Variants in PRR20G observed in about 807,000 individuals in gnomAD.
The protein encoded by PRR20G is proline rich 20G.
At chr3:127,284,954 G>T (rs1237273288) in intron 2 of PRR20G, among the ~76,000 whole-genome samples, 4 of 152,196 alleles carry the variant, frequency 2.6e-5, no homozygotes, top group African/African-American at 9.7e-5. Flanking sequence ...ATGACACACT[G>T]CCTGCCTTCA....
Position 127,287,323 on chromosome 3 carries a change from G to A in PRR20G, c.43C>T (p.Pro15Ser), listed in dbSNP as rs978768446. The change falls in exon 2 of 3, where the codon CCA becomes TCA. Residue 15 changes from proline (P) to serine (S), a missense_variant. Transcript: ENST00000465482. ...RHSKRPRFLA[P>S]NQASGGPPTE... ...AGGCGTTTGATGGTACCTTGATTTG[G>A]GGCCAGGAAGCGAGGTCGTTTCGAG... Among the ~76,000 whole-genome samples, 1 of 152,180 alleles carries A rather than the reference G, an allele frequency of 6.6e-6. No homozygotes were observed. The highest frequency in any genetic ancestry group is 2.4e-5 in the African/African-American group (1 of 41,438).
chr3:127,287,438 G>A (rs899449242), intron 1 of PRR20G, among the ~76,000 whole-genome samples, 66 bp from the exon 2 acceptor site: 5 of 152,154 alleles, frequency 3.3e-5, no homozygotes, highest in African/African-American at 1.2e-4. Flanking sequence ...AATTTCCCAA[G>A]CGTCACGCAG....
chr3:127,286,579 G>A (rs1011644084), intron 2 of PRR20G, among the ~76,000 whole-genome samples: 14 of 152,186 alleles, frequency 9.2e-5, no homozygotes, highest in East Asian at 3.9e-4. Context: ...TACGTAGATC[G>A]AGACATAGTG....
intron 1 of PRR20G, among the ~76,000 whole-genome samples, 47 bp from the exon 2 acceptor site, chr3:127,287,419 C>T (rs184843820): frequency 6.6e-6 from 1 of 152,138 alleles, no homozygotes; most frequent in African/African-American, 2.4e-5. Context: ...GGGTATTAAA[C>T]CACAGCCTAA....
At chr3:127,286,800 G>T (rs1172620007) in intron 2 of PRR20G, among the ~76,000 whole-genome samples, 2 of 152,220 alleles carry the variant, frequency 1.3e-5, no homozygotes, top group African/African-American at 4.8e-5. Flanking sequence ...GCTTGATTGA[G>T]TTTGAATTTA....
chr3:127,287,539 G>A (rs1463480827), intron 1 of PRR20G, among the ~76,000 whole-genome samples, 167 bp from the exon 2 acceptor site: 1 of 152,218 alleles, frequency 6.6e-6, no homozygotes, highest in African/African-American at 2.4e-5. Flanking sequence ...GCGCAGCCAG[G>A]GGGATCCTGT....
In PRR20G at chr3:127,283,915, A is replaced by G. The variant is rs966160516; in HGVS notation, c.*145T>C. Among the ~76,000 whole-genome samples the G allele has an allele frequency of 5.3e-5, 8 of 152,138 alleles. No individual in the cohort carries two copies. The highest frequency in any genetic ancestry group is 4.6e-4 in the Admixed American group (7 of 15,272). On this transcript the variant is annotated 3_prime_UTR_variant, in exon 3 of 3. Transcript: ENST00000465482. Reference sequence around the variant, plus strand: ...CTACTGTCAGGATCCTGGGAGGAGGACTTGGAGGCTCATGACAACACAAAG... The same window carrying G: ...CTACTGTCAGGATCCTGGGAGGAGGGCTTGGAGGCTCATGACAACACAAAG...
At chr3:127,285,437 T>A (rs1197588677) in intron 2 of PRR20G, among the ~76,000 whole-genome samples, 3 of 152,048 alleles carry the variant, frequency 2.0e-5, no homozygotes, top group South Asian at 4.2e-4. Context: ...GGGGTAGCTA[T>A]AAGCTAGTTT....
chr3:127,286,435 G>A (rs2080387808), intron 2 of PRR20G, among the ~76,000 whole-genome samples: 1 of 152,204 alleles, frequency 6.6e-6, no homozygotes, highest in Non-Finnish European at 1.5e-5. Context: ...TTCTTGTAAT[G>A]TGCCTATCAA....
At chr3:127,285,115 T>C (rs1464997488) in intron 2 of PRR20G, among the ~76,000 whole-genome samples, 2 of 152,220 alleles carry the variant, frequency 1.3e-5, no homozygotes, top group African/African-American at 4.8e-5. Flanking sequence ...TTCACTTATC[T>C]GGGCATCAGT....
intron 2 of PRR20G, among the ~76,000 whole-genome samples, chr3:127,286,751 C>G (rs919635950): frequency 6.6e-6 from 1 of 152,120 alleles, no homozygotes; most frequent in Non-Finnish European, 1.5e-5. Flanking sequence ...CAGCCAGTCC[C>G]GGTTGGAGCA....
intron 2 of PRR20G, among the ~76,000 whole-genome samples, chr3:127,286,998 T>C (rs1310829464): frequency 6.6e-6 from 1 of 151,206 alleles, no homozygotes; most frequent in Non-Finnish European, 1.5e-5. Context: ...GCTGGGTGAG[T>C]GGTGGTGGTG....
chr3:127,286,551 G>A lies in PRR20G; in HGVS notation c.52+763C>T, dbSNP rs534764328. Among the ~76,000 whole-genome samples, 7 of 152,350 alleles carry A rather than the reference G, an allele frequency of 4.6e-5. No homozygotes were observed. The East Asian group carries it at 1.2e-3, about 25-fold the overall frequency. On this transcript the variant is annotated intron_variant, in intron 2 of 2. Coordinates refer to ENST00000465482, the MANE Select transcript of PRR20G (RefSeq NM_001362810.2). The stretch of plus-strand genomic sequence containing the variant: ...CAATACCTCCAGAAAAGAACAAGGT[G>A]AGAGTCCTGGCTTATCATACGTAGA...
At chr3:127,287,002 G>A (rs1304155075) in intron 2 of PRR20G, among the ~76,000 whole-genome samples, 1 of 152,086 alleles carries the variant, frequency 6.6e-6, no homozygotes, top group Non-Finnish European at 1.5e-5. Context: ...GGTGAGTGGT[G>A]GTGGTGGTGG....
rs2080395657 is a variant in PRR20G at position 127,287,979 on chromosome 3, G to A, written c.-108C>T. 6.6e-6 allele frequency among the ~76,000 whole-genome samples: 1 copy of A among 151,972 alleles called. No homozygotes were observed. Among genetic ancestry groups the A allele is most frequent in the African/African-American group, 2.4e-5 (1 of 41,386 alleles). On this transcript the variant is annotated 5_prime_UTR_variant, in exon 1 of 3. Transcript: ENST00000465482. ...TGGCTCCGACGTCGCCCTCAAATGC[G>A]CCCCCTACCAGGCAGGTAGGAGGGA... is the stretch of plus-strand genomic sequence containing the variant.
intron 2 of PRR20G, among the ~76,000 whole-genome samples, chr3:127,286,600 C>G (rs1225470349): frequency 6.6e-6 from 1 of 152,182 alleles, no homozygotes. Context: ...TAAGGACTCA[C>G]TCTTCCAAAG....
chr3:127,287,439 C>A lies in PRR20G; in HGVS notation c.-7-67G>T, dbSNP rs2080392724. 3.9e-5 allele frequency among the ~76,000 whole-genome samples: 6 copies of A among 152,160 alleles called. No homozygotes were observed. The South Asian group carries it at 1.2e-3, about 31-fold the overall frequency. ...TTAAACCACAGCCTAATTTCCCAAGCGTCACGCAGCGATGCGGACCCCACC... is the reference window on the plus strand; with the variant it reads ...TTAAACCACAGCCTAATTTCCCAAGAGTCACGCAGCGATGCGGACCCCACC... On this transcript the variant is annotated intron_variant, in intron 1 of 2. Coordinates refer to ENST00000465482, the MANE Select transcript of PRR20G (RefSeq NM_001362810.2).
intron 2 of PRR20G, among the ~76,000 whole-genome samples, chr3:127,285,931 C>T (rs1298274974): frequency 6.6e-6 from 1 of 152,018 alleles, no homozygotes; most frequent in Non-Finnish European, 1.5e-5. Context: ...TTATAGGGTA[C>T]TTTTGAAAAG....
intron 1 of PRR20G, among the ~76,000 whole-genome samples, 200 bp from the exon 2 acceptor site, chr3:127,287,572 G>T (rs2080393634): frequency 6.6e-6 from 1 of 152,188 alleles, no homozygotes; most frequent in Non-Finnish European, 1.5e-5. Flanking sequence ...TGGGGTGGGG[G>T]GAGACTTCCG....
Sources: gnomAD v4.1 joint callset for allele counts (sites outside exome capture counted in the v4.1 genomes callset) on GRCh38, gnomAD v4.1.1 for gene constraint, MANE v1.5 for transcripts, NCBI Gene and HGNC (gene_info 2026-07-23, HGNC 2026-07-21) for gene names.